Variants in FGGY observed in about 807,000 individuals in gnomAD.
FGGY encodes FGGY carbohydrate kinase domain-containing protein.
In FGGY, 72 loss-of-function variants were observed where a neutral mutation model predicts 71.3. The ratio of observed to expected loss-of-function variants is 1.01; its 90% CI spans 0.84 to 1.23. The LOEUF (loss-of-function observed/expected upper bound fraction) is 1.23. FGGY is among the 50% of genes most tolerant of loss of function. The probability of loss-of-function intolerance (pLI) is 0.00; values close to 1 mark genes in which losing one functional copy is unlikely to be tolerated. For missense variants in FGGY, 668 were observed against 682.3 expected, an observed-to-expected ratio of 0.98 and a Z score of 0.23; for synonymous variants, 251 against 250.3, an observed-to-expected ratio of 1.00 and a Z score of -0.02.
In FGGY at chr1:59,378,800, G is replaced by A. The variant is rs2058994421; in HGVS notation, c.517G>A (p.Asp173Asn). The A allele has an allele frequency of 6.2e-7, 1 of 1,613,408 alleles. No individual in the cohort carries two copies. Among genetic ancestry groups the A allele is most frequent in the Admixed American group, 1.7e-5 (1 of 59,914 alleles). ...GGCGGGACATTTCTTTGATCTCCCG[G>A]ACTTCTTATCGTGGAAGGCAACAGG... is the stretch of plus-strand genomic sequence containing the variant. ...DKAGHFFDLP[D>N]FLSWKATGVT... Residue 173 changes from aspartate (D) to asparagine (N), a missense_variant, in exon 5 of 16, where the codon GAC becomes AAC. Around this residue, in one of 2 missense-constraint regions of FGGY, gnomAD observed 661 missense variants for 661.6 expected, o/e 1.00. Transcript: ENST00000303721.
At chr1:59,567,718 G>A (rs2095898159) in intron 8 of FGGY, among the ~76,000 whole-genome samples, 1 of 151,600 alleles carries the variant, frequency 6.6e-6, no homozygotes, top group Non-Finnish European at 1.5e-5. Context: ...TTATATATGT[G>A]TGCATTCTTC....
At chr1:59,538,283 A>G (rs1345895457) in intron 7 of FGGY, among the ~76,000 whole-genome samples, 2 of 151,258 alleles carry the variant, frequency 1.3e-5, no homozygotes, top group African/African-American at 4.8e-5. Context: ...GCAAATCAAA[A>G]CCACAATGAG....
chr1:59,608,030 A>G, intron 9 of FGGY, 120 bp downstream of exon 9: 1 of 724,396 alleles, frequency 1.4e-6, no homozygotes, highest in South Asian at 1.8e-5. Context: ...ATCGGGGTGT[A>G]CTTTCTCTTA....
chr1:59,591,116 A>G (rs1022280244), intron 8 of FGGY, among the ~76,000 whole-genome samples: 1 of 152,054 alleles, frequency 6.6e-6, no homozygotes, highest in Non-Finnish European at 1.5e-5. Context: ...TCAATGTGCA[A>G]AAATCACAAG....
At chr1:59,576,270 G>T (rs1464717022) in intron 8 of FGGY, among the ~76,000 whole-genome samples, 2 of 152,072 alleles carry the variant, frequency 1.3e-5, no homozygotes, top group Admixed American at 6.6e-5. Context: ...GAATCTGGGA[G>T]CCATCATTCT....
At chr1:59,585,420 A>G (rs2096268291) in intron 8 of FGGY, among the ~76,000 whole-genome samples, 1 of 152,244 alleles carries the variant, frequency 6.6e-6, no homozygotes, top group East Asian at 1.9e-4. Context: ...GAAATGGGGA[A>G]AGGATTCCCT....
rs549775011 is a variant in FGGY, at chr1:59,399,687, A to G, written c.554+20850A>G. 4.6e-5 allele frequency among the ~76,000 whole-genome samples: 7 copies of G among 152,262 alleles called. No individual in the cohort carries two copies. In the East Asian group the frequency reaches 7.8e-4, roughly 17 times the overall value. ...TTATCCTCTCCAATTAGAGCTTTCC[A>G]TATAATATAATTTTTTTCTTTGTGT... On this transcript the variant is annotated intron_variant, in intron 5 of 15. Coordinates refer to ENST00000303721, the MANE Select transcript of FGGY (RefSeq NM_018291.5).
chr1:59,362,230 T>A (rs2055698657), intron 4 of FGGY, among the ~76,000 whole-genome samples: 1 of 152,210 alleles, frequency 6.6e-6, no homozygotes, highest in African/African-American at 2.4e-5. Context: ...TCATTTTCTT[T>A]CCTGTACTTC....
chr1:59,475,567 T>C (rs12094100), intron 6 of FGGY, among the ~76,000 whole-genome samples: 6,069 of 152,290 alleles, frequency 0.04, 398 homozygotes, highest in African/African-American at 0.14. Flanking sequence ...TTTGGTCTTT[T>C]CCATCTCAGT....
chr1:59,688,170 T>C (rs1348449115), intron 14 of FGGY, among the ~76,000 whole-genome samples: 4 of 152,202 alleles, frequency 2.6e-5, no homozygotes, highest in African/African-American at 9.6e-5. Context: ...CACTACAAGA[T>C]AGTGTCTAGT....
intron 2 of FGGY, among the ~76,000 whole-genome samples, chr1:59,338,700 A>G (rs2050083885): frequency 1.3e-5 from 2 of 152,124 alleles, no homozygotes; most frequent in African/African-American, 2.4e-5. Context: ...ATAGTATTTC[A>G]TTTTACAAAC....
intron 12 of FGGY, among the ~76,000 whole-genome samples, chr1:59,662,129 G>A (rs1242634872): frequency 1.3e-5 from 2 of 150,234 alleles, no homozygotes; most frequent in South Asian, 2.1e-4. Flanking sequence ...AGACTATCCC[G>A]GCTAACATGG....
At chr1:59,530,717 G>C (rs959106284) in intron 7 of FGGY, among the ~76,000 whole-genome samples, 11 of 152,184 alleles carry the variant, frequency 7.2e-5, no homozygotes, top group African/African-American at 2.7e-4. Flanking sequence ...TATGCACCAA[G>C]ATCCAGAAGC....
intron 5 of FGGY, among the ~76,000 whole-genome samples, chr1:59,389,694 C>A (rs2060478747): frequency 1.3e-5 from 2 of 152,168 alleles, no homozygotes; most frequent in East Asian, 3.8e-4. Flanking sequence ...ATTTTACATT[C>A]CCACCAGAAA....
intron 14 of FGGY, among the ~76,000 whole-genome samples, chr1:59,725,711 G>C (rs1241240142): frequency 6.6e-6 from 1 of 151,692 alleles, no homozygotes; most frequent in Non-Finnish European, 1.5e-5. Context: ...GTAATTGCTA[G>C]AAAGAAATTG....
At chr1:59,602,821 T>C (rs1484330246) in intron 8 of FGGY, among the ~76,000 whole-genome samples, 1 of 152,194 alleles carries the variant, frequency 6.6e-6, no homozygotes, top group Non-Finnish European at 1.5e-5. Flanking sequence ...CTTACCTTTT[T>C]GTAGCACTTG....
chr1:59,629,993 G>C (rs1027126183), intron 10 of FGGY, among the ~76,000 whole-genome samples: 2 of 152,148 alleles, frequency 1.3e-5, no homozygotes, highest in Non-Finnish European at 2.9e-5. Context: ...AAGGAAAGAG[G>C]TTTAATTGAC....
At chr1:59,577,436 A>G (rs1233748050) in intron 8 of FGGY, among the ~76,000 whole-genome samples, 1 of 152,176 alleles carries the variant, frequency 6.6e-6, no homozygotes, top group Non-Finnish European at 1.5e-5. Context: ...ATTATTCTGA[A>G]TTAAGCCAAA....
intron 8 of FGGY, among the ~76,000 whole-genome samples, chr1:59,593,468 T>G (rs2153796724): frequency 6.6e-6 from 1 of 152,358 alleles, no homozygotes; most frequent in Non-Finnish European, 1.5e-5. Context: ...TACATGACCC[T>G]GCTAATCCTC....
Sources: gnomAD v4.1 joint callset for allele counts (sites outside exome capture counted in the v4.1 genomes callset) on GRCh38, gnomAD v4.1.1 for gene constraint, gnomAD v4.1.1 regional missense constraint, MANE v1.5 for transcripts, NCBI Gene and HGNC (gene_info 2026-07-23, HGNC 2026-07-21) for gene names.